Variants in SLF2 observed in about 807,000 individuals in gnomAD.
SLF2 encodes the protein SMC5/6 complex localization factor 2, also known as SMC5-SMC6 complex localization factor protein 2.
In SLF2, 68 loss-of-function variants were observed where a neutral mutation model predicts 124.3. The ratio of observed to expected loss-of-function variants is 0.55; its 90% CI spans 0.45 to 0.67. The LOEUF is 0.67. Ranked by LOEUF, SLF2 falls within the 30% of genes least tolerant of loss-of-function variation. The pLI, the probability that SLF2 is intolerant of heterozygous loss-of-function variation, is 0.00. For missense variants in SLF2, 1,246 were observed against 1,373.7 expected, an observed-to-expected ratio of 0.91 and a Z score of 1.47; for synonymous variants, 480 against 478.8, an observed-to-expected ratio of 1.00 and a Z score of -0.03.
At chr10:100,947,205 T>G (rs1850121611) in intron 14 of SLF2, 69 bp downstream of exon 14, 11 of 868,596 alleles carry the variant, frequency 1.3e-5, no homozygotes. Flanking sequence ...CCTTGGGTTG[T>G]TTATTTCCAT....
intron 17 of SLF2, among the ~76,000 whole-genome samples, chr10:100,951,106 T>G (rs1195621916): frequency 2.6e-5 from 4 of 152,072 alleles, no homozygotes; most frequent in Non-Finnish European, 5.9e-5. Flanking sequence ...AGCCAGGCGT[T>G]GTGGCAGGTG....
intron 15 of SLF2, among the ~76,000 whole-genome samples, chr10:100,949,774 T>C (rs1012411787): frequency 4.3e-4 from 65 of 152,210 alleles, no homozygotes; most frequent in African/African-American, 1.5e-3. Flanking sequence ...TTTTGTATTT[T>C]TAGTAGAGGC....
At chr10:100,947,739 A>G in intron 14 of SLF2, 21 bp from the exon 15 acceptor site, 1 of 1,537,416 alleles carries the variant, frequency 6.5e-7, no homozygotes, top group Middle Eastern at 2.1e-4. Flanking sequence ...CATTCTAAAT[A>G]CTTTTAACTT....
intron 17 of SLF2, among the ~76,000 whole-genome samples, chr10:100,955,635 C>T (rs778211332): frequency 1.3e-5 from 2 of 152,002 alleles, no homozygotes; most frequent in East Asian, 1.9e-4. Flanking sequence ...TGGCTGGGCG[C>T]GGTGGCTCAC....
intron 9 of SLF2, among the ~76,000 whole-genome samples, chr10:100,936,071 G>A (rs1225346831): frequency 6.6e-6 from 1 of 151,290 alleles, no homozygotes; most frequent in Non-Finnish European, 1.5e-5. Context: ...ATGTTGCTCA[G>A]GCCAGTCTTG....
intron 1 of SLF2, among the ~76,000 whole-genome samples, chr10:100,915,464 A>G (rs991565951): frequency 3.3e-5 from 5 of 152,252 alleles, no homozygotes; most frequent in African/African-American, 1.2e-4. Context: ...TCTACCATCT[A>G]CTGTTCTACT....
chr10:100,951,899 C>T lies in SLF2; in HGVS notation c.3330+1146C>T, dbSNP rs186693282. Among the ~76,000 whole-genome samples the T allele has an allele frequency of 2.6e-3, 390 of 152,312 alleles. 3 individuals are homozygous for T. The highest frequency in any genetic ancestry group is 9.1e-3 in the African/African-American group (378 of 41,570). On this transcript the variant is annotated intron_variant, in intron 17 of 19. Coordinates refer to ENST00000238961, the MANE Select transcript of SLF2 (RefSeq NM_018121.4). Reference sequence around the variant, plus strand: ...CCCATACTCCTGGGGAAAGATCTTGCTTAATTCCTTTTATTTCATATCTTA... The same window carrying T: ...CCCATACTCCTGGGGAAAGATCTTGTTTAATTCCTTTTATTTCATATCTTA...
intron 9 of SLF2, among the ~76,000 whole-genome samples, chr10:100,936,776 GT>G (rs902299156): frequency 6.6e-6 from 1 of 151,236 alleles, no homozygotes; most frequent in African/African-American, 2.4e-5. Context: ...TTCCTTTGTG[GT>G]TTTTTGGTTT....
At chr10:100,959,014 AT>A (rs1850380868) in intron 18 of SLF2, among the ~76,000 whole-genome samples, 1 of 152,132 alleles carries the variant, frequency 6.6e-6, no homozygotes, top group African/African-American at 2.4e-5. Flanking sequence ...TATGGCTTTG[AT>A]CCTTTCAAAG....
At chr10:100,945,715 G>A (rs1229473712) in intron 13 of SLF2, among the ~76,000 whole-genome samples, 3 of 152,162 alleles carry the variant, frequency 2.0e-5, no homozygotes, top group Non-Finnish European at 4.4e-5. Context: ...CAACAAAAAT[G>A]TGTTTATTGG....
At chr10:100,961,810 TATAAGGATTA>T (rs1850431738) in intron 19 of SLF2, 57 bp from the exon 20 acceptor site, 26 of 1,371,140 alleles carry the variant, frequency 1.9e-5, no homozygotes, top group Non-Finnish European at 2.5e-5. Context: ...TTAGTAGTTT[TATAAGGATTA>T]ATTCATAATA....
chr10:100,935,972 C>A (rs1048530280), intron 9 of SLF2, among the ~76,000 whole-genome samples: 11 of 150,652 alleles, frequency 7.3e-5, no homozygotes, highest in African/African-American at 2.4e-4. Context: ...GATCCTCCCC[C>A]CTCAGCCCCC....
Position 100,938,546 on chromosome 10 carries a change from G to A in SLF2, c.2513-49G>A, listed in dbSNP as rs746138134. The A allele has an allele frequency of 1.9e-5, 29 of 1,561,002 alleles. No individual in the cohort carries two copies. In the South Asian group the frequency reaches 3.4e-4, roughly 18 times the overall value. On this transcript the variant is annotated intron_variant, in intron 10 of 19. Coordinates refer to ENST00000238961, the MANE Select transcript of SLF2 (RefSeq NM_018121.4). ...TGCAGACTGTCACCTTGCAAATGTG[G>A]GTTTGTAGACCACAGATTTAGAATG...
chr10:100,926,346 T>A, intron 6 of SLF2: 1 of 1,370,638 alleles, frequency 7.3e-7, no homozygotes, highest in Non-Finnish European at 9.6e-7. Flanking sequence ...GGCTCATGCC[T>A]GTAATCCAGT....
At chr10:100,946,750 A>G (rs891782282) in intron 13 of SLF2, among the ~76,000 whole-genome samples, 2 of 152,238 alleles carry the variant, frequency 1.3e-5, no homozygotes, top group African/African-American at 4.8e-5. Flanking sequence ...TTATCTTTCC[A>G]AGAAGGACTG....
intron 11 of SLF2, chr10:100,943,582 T>C (rs1482821520): frequency 6.6e-6 from 1 of 152,562 alleles, no homozygotes; most frequent in Non-Finnish European, 1.5e-5. Context: ...TTGAATTGTT[T>C]CTGTATATTG....
chr10:100,954,887 A>C (rs181665924), intron 17 of SLF2, among the ~76,000 whole-genome samples: 1 of 151,936 alleles, frequency 6.6e-6, no homozygotes, highest in East Asian at 1.9e-4. Context: ...TCAAAGGTGC[A>C]GTGAGCTATG....
chr10:100,952,243 CA>C (rs1167171651), intron 17 of SLF2, among the ~76,000 whole-genome samples: 23 of 129,680 alleles, frequency 1.8e-4, no homozygotes, highest in East Asian at 4.6e-4. Context: ...GACTTCATCT[CA>C]AAAAAAAAAA....
intron 7 of SLF2, among the ~76,000 whole-genome samples, 187 bp from the exon 8 acceptor site, chr10:100,929,643 C>T (rs1227352180): frequency 6.6e-6 from 1 of 152,158 alleles, no homozygotes; most frequent in African/African-American, 2.4e-5. Flanking sequence ...TTCACATAGA[C>T]ACATTTAGTG....
Sources: gnomAD v4.1 joint callset for allele counts (sites outside exome capture counted in the v4.1 genomes callset) on GRCh38, gnomAD v4.1.1 for gene constraint, MANE v1.5 for transcripts, NCBI Gene and HGNC (gene_info 2026-07-23, HGNC 2026-07-21) for gene names.